Variants in ABCA12 observed in about 807,000 individuals in gnomAD.
ABCA12 encodes glucosylceramide transporter ABCA12.
In ABCA12, 156 loss-of-function variants were observed where a neutral mutation model predicts 293.5. That is an observed-to-expected ratio of 0.53 (90% CI 0.47 to 0.61). The LOEUF is 0.61. Among genes scored for constraint, ABCA12 ranks in the 20% least tolerant of loss-of-function variants. The pLI is 0.00. For synonymous variants in ABCA12, 1,063 were observed against 1,108.0 expected (o/e 0.96, Z 0.81); for missense variants, 2,797 against 3,090.2 (o/e 0.91, Z 2.25).
chr2:215,088,796 C>T (rs956093548), intron 2 of ABCA12, among the ~76,000 whole-genome samples: 1 of 152,104 alleles, frequency 6.6e-6, no homozygotes, highest in African/African-American at 2.4e-5. Flanking sequence ...TGGTTAAGAT[C>T]GTGCATTTGT....
At chr2:215,130,936 G>GT (rs35257961) in intron 1 of ABCA12, among the ~76,000 whole-genome samples, 37,026 of 148,308 alleles carry the variant, frequency 0.25, 5,698 homozygotes, top group African/African-American at 0.43. Flanking sequence ...TCTGCTGAGG[G>GT]TTTTTTTTTT....
At chr2:215,024,294 A>G (rs1039265538) in intron 11 of ABCA12, among the ~76,000 whole-genome samples, 12 of 152,148 alleles carry the variant, frequency 7.9e-5, no homozygotes, top group Non-Finnish European at 1.0e-4. Flanking sequence ...CATCTCCTCC[A>G]ATGGATTGAC....
intron 50 of ABCA12, among the ~76,000 whole-genome samples, chr2:214,938,392 C>T (rs975021375): frequency 7.9e-5 from 12 of 152,188 alleles, no homozygotes; most frequent in African/African-American, 2.9e-4. Context: ...GGTTCCAAGT[C>T]TTTGCTATTG....
chr2:215,134,603 A>C (rs71428365), intron 1 of ABCA12, among the ~76,000 whole-genome samples: 6,759 of 83,982 alleles, frequency 0.08, 670 homozygotes, highest in Non-Finnish European at 0.089. Flanking sequence ...CTCTCTCTAT[A>C]TATATATATA....
At chr2:215,097,815 G>GT (rs1283108769) in intron 2 of ABCA12, among the ~76,000 whole-genome samples, 1 of 152,116 alleles carries the variant, frequency 6.6e-6, no homozygotes, top group Non-Finnish European at 1.5e-5. Context: ...ACTGGTCCCT[G>GT]TTATTTACCT....
At chr2:215,105,579 A>ACACACACACACACACACACACG (rs1309665242) in intron 2 of ABCA12, among the ~76,000 whole-genome samples, 1 of 116,280 alleles carries the variant, frequency 8.6e-6, no homozygotes, top group Non-Finnish European at 1.6e-5. Context: ...GGGCTTCAAG[A>ACACACACACACACACACACACG]CACACACACA....
intron 1 of ABCA12, among the ~76,000 whole-genome samples, chr2:215,131,957 C>T (rs1457730262): frequency 1.3e-5 from 2 of 151,576 alleles, no homozygotes; most frequent in Admixed American, 6.6e-5. Context: ...ATTTGTTTTG[C>T]ATTTTTTTAA....
At chr2:215,130,970 G>A (rs926659156) in intron 1 of ABCA12, among the ~76,000 whole-genome samples, 1 of 151,330 alleles carries the variant, frequency 6.6e-6, no homozygotes, top group African/African-American at 2.4e-5. Flanking sequence ...TGTTGGATTT[G>A]ATGGAATTCT....
chr2:214,979,168 C>A, intron 31 of ABCA12, 128 bp from the exon 32 acceptor site: 1 of 844,846 alleles, frequency 1.2e-6, no homozygotes, highest in Non-Finnish European at 2.0e-6. Flanking sequence ...CATAACATCA[C>A]TGCTCTAGAG....
chr2:215,061,137 G>A (rs796425207), intron 3 of ABCA12, among the ~76,000 whole-genome samples: 1 of 152,058 alleles, frequency 6.6e-6, no homozygotes, highest in African/African-American at 2.4e-5. Context: ...TGTGATGTTG[G>A]ATCATCTGTT....
At chr2:215,117,888 G>T (rs1296477511) in intron 1 of ABCA12, among the ~76,000 whole-genome samples, 1 of 152,194 alleles carries the variant, frequency 6.6e-6, no homozygotes, top group East Asian at 1.9e-4. Context: ...ACTCATGGAG[G>T]TGTTTTGTTT....
intron 46 of ABCA12, 51 bp downstream of exon 46, chr2:214,948,981 ATTATTTTT>A: frequency 7.0e-7 from 1 of 1,430,820 alleles, no homozygotes; most frequent in South Asian, 1.1e-5. Context: ...GTTCATTTCA[ATTATTTTT>A]CTCATTTAAG....
intron 9 of ABCA12, 137 bp from the exon 10 acceptor site, chr2:215,027,075 T>C: frequency 3.1e-6 from 2 of 652,740 alleles, no homozygotes; most frequent in South Asian, 1.7e-5. Flanking sequence ...CCGGGCGCGG[T>C]GGCTCACGCC....
At chr2:215,073,492 G>A (rs190508585) in intron 2 of ABCA12, among the ~76,000 whole-genome samples, 13 of 152,152 alleles carry the variant, frequency 8.5e-5, no homozygotes, top group Admixed American at 3.3e-4. Flanking sequence ...GTATGACCGT[G>A]CTGATTGGTC....
At chr2:214,986,815 A>G in intron 27 of ABCA12, 87 bp from the exon 28 acceptor site, 1 of 1,237,994 alleles carries the variant, frequency 8.1e-7, no homozygotes. Flanking sequence ...AAAATTTAAG[A>G]CTATAAAAAT....
chr2:215,094,386 C>T (rs1185983763), intron 2 of ABCA12, among the ~76,000 whole-genome samples: 1 of 152,190 alleles, frequency 6.6e-6, no homozygotes, highest in Non-Finnish European at 1.5e-5. Context: ...TTCTGTCCCT[C>T]ATGGCCAGTT....
chr2:214,992,522 CTTT>C lies in ABCA12; in HGVS notation c.3295-1494_3295-1492del, dbSNP rs71041978. Reference sequence around the variant, plus strand: ...AGCCTATCAACCTAGTATCCCCCCCCTTTTTTTTTTTTTTTTTTTTAGGAAAAA... The same window carrying C: ...AGCCTATCAACCTAGTATCCCCCCCCTTTTTTTTTTTTTTTTTAGGAAAAA... On this transcript the variant is annotated intron_variant, in intron 23 of 52. Coordinates refer to ENST00000272895, the MANE Select transcript of ABCA12 (RefSeq NM_173076.3). 9.7e-3 allele frequency among the ~76,000 whole-genome samples: 465 copies of C among 47,710 alleles called. 4 individuals are homozygous for C. Among genetic ancestry groups the C allele is most frequent in the African/African-American group, 0.026 (273 of 10,630 alleles). 31.3% of individuals were successfully genotyped at this position (47,710 alleles called of 152,430 possible). A position where few individuals can be genotyped will look rare whatever the true frequency, so the allele number is the denominator to read the frequency against.
intron 28 of ABCA12, among the ~76,000 whole-genome samples, chr2:214,986,262 C>T: frequency 6.6e-6 from 1 of 152,122 alleles, no homozygotes; most frequent in East Asian, 1.9e-4. Flanking sequence ...AGAATATGAA[C>T]TCAATGTTGT....
In ABCA12 at chr2:214,943,038, A is replaced by G. The variant is rs748775435; in HGVS notation, c.7344-21T>C. On this transcript the variant is annotated intron_variant, in intron 49 of 52. Coordinates refer to ENST00000272895, the MANE Select transcript of ABCA12 (RefSeq NM_173076.3). ...CCATGCTAAAAGACAAAGCAGGATC[A>G]TATTAGCATTCAGGATACAGAAAAC... 5 of 1,598,370 alleles carry G rather than the reference A, an allele frequency of 3.1e-6. No homozygotes were observed. The South Asian group carries it at 4.4e-5, about 14-fold the overall frequency.
Sources: gnomAD v4.1 joint callset for allele counts (sites outside exome capture counted in the v4.1 genomes callset) on GRCh38, gnomAD v4.1.1 for gene constraint, MANE v1.5 for transcripts, NCBI Gene and HGNC (gene_info 2026-07-23, HGNC 2026-07-21) for gene names.